Variants in C4orf54 observed in about 807,000 individuals in gnomAD.
The protein encoded by C4orf54 is chromosome 4 open reading frame 54, also known as uncharacterized protein C4orf54.
A neutral mutation model predicts 80.1 loss-of-function variants in C4orf54; 67 were observed. That is an observed-to-expected ratio of 0.84 (90% CI 0.69 to 1.03). C4orf54 has a LOEUF of 1.03. C4orf54 is among the 50% of genes least tolerant of loss of function. C4orf54 has a pLI of 0.00. For missense variants in C4orf54, 2,434 were observed against 2,253.5 expected, an observed-to-expected ratio of 1.08 and a Z score of -1.62; for synonymous variants, 1,000 against 917.0, an observed-to-expected ratio of 1.09 and a Z score of -1.64.
At chr4:99,643,549 T>C (rs1178083738) in intron 2 of C4orf54, among the ~76,000 whole-genome samples, 1 of 152,136 alleles carries the variant, frequency 6.6e-6, no homozygotes, top group Non-Finnish European at 1.5e-5. Context: ...CTCCTACCTC[T>C]GGGAGCCACA....
intron 2 of C4orf54, among the ~76,000 whole-genome samples, chr4:99,646,497 A>G (rs1375956802): frequency 1.3e-5 from 2 of 152,030 alleles, no homozygotes; most frequent in Non-Finnish European, 2.9e-5. Flanking sequence ...GCTCATTACC[A>G]CCTCCTTTAC....
At chr4:99,648,682 A>G (rs2110251238) in intron 2 of C4orf54, among the ~76,000 whole-genome samples, 1 of 152,332 alleles carries the variant, frequency 6.6e-6, no homozygotes, top group African/African-American at 2.4e-5. Context: ...CGCTTTGTAT[A>G]AGCAATTTCA....
chr4:99,655,692 G>C (rs1044945269), intron 1 of C4orf54, among the ~76,000 whole-genome samples: 2 of 152,190 alleles, frequency 1.3e-5, no homozygotes, highest in Non-Finnish European at 2.9e-5. Flanking sequence ...ATGGGGGTCT[G>C]TGCTGGCCAT....
chr4:99,653,864 T>C lies in C4orf54; in HGVS notation c.785A>G (p.Glu262Gly). Reference sequence around the variant, plus strand: ...TGAGGAAGATGAGAAATTGCCACCCTCTTCAGAGGCAGAGTGCTGGGATCT... The same window carrying C: ...TGAGGAAGATGAGAAATTGCCACCCCCTTCAGAGGCAGAGTGCTGGGATCT... ...LSRSQHSASEEGGNFSSSSSS... is the reference protein window; with the variant it reads ...LSRSQHSASEGGGNFSSSSSS... The change falls in exon 2 of 3, where the codon GAG (glutamate) becomes GGG (glycine). Residue 262 changes from glutamate (E) to glycine (G), a missense_variant. Transcript: ENST00000511828. 1 of 1,536,230 alleles carries C rather than the reference T, an allele frequency of 6.5e-7. No individual in the cohort carries two copies. The highest frequency in any genetic ancestry group is 2.4e-5 in the East Asian group (1 of 40,898).
chr4:99,649,264 T>G lies in C4orf54; in HGVS notation c.*3A>C, dbSNP rs575190765. On this transcript the variant is annotated 3_prime_UTR_variant, in exon 2 of 3. Coordinates refer to ENST00000511828, the MANE Select transcript of C4orf54 (RefSeq NM_001354435.2). ...TTTCATTCCGCTTCCTGGTGGCTGC[T>G]CATCATCTGTGTTCTACCACAAAGC... The G allele has an allele frequency of 2.7e-6, 4 of 1,498,040 alleles. No individual in the cohort carries two copies. In the South Asian group the frequency reaches 5.0e-5, roughly 19 times the overall value. 92.8% of individuals were successfully genotyped at this position (1,498,040 alleles called of 1,614,324 possible). A position where few individuals can be genotyped will look rare whatever the true frequency, so the allele number is the denominator to read the frequency against.
intron 2 of C4orf54, among the ~76,000 whole-genome samples, chr4:99,643,062 A>G (rs1226968796): frequency 6.6e-6 from 1 of 152,184 alleles, no homozygotes. Flanking sequence ...GCACAGGTCC[A>G]TGATGCTTAC....
Position 99,653,129 on chromosome 4 carries a change from G to A in C4orf54, c.1520C>T (p.Ala507Val). ...TGCACTCCCACAGCTGCTTGCGGCGGCGGCTGCTGCCCCTGAAGCTGCCTC... is the reference window on the plus strand; with the variant it reads ...TGCACTCCCACAGCTGCTTGCGGCGACGGCTGCTGCCCCTGAAGCTGCCTC... Reference protein sequence around the residue: ...TPEAASGAAAAAASSCGSAAS... With the variant: ...TPEAASGAAAVAASSCGSAAS... The change falls in exon 2 of 3, where the codon GCC (alanine) becomes GTC (valine). Residue 507 changes from alanine to valine, a missense_variant. Physicochemically the swap from Ala to Val is moderately conservative, Grantham distance 64. Transcript: ENST00000511828. 1.3e-6 allele frequency: 2 copies of A among 1,536,192 alleles called. No individual in the cohort carries two copies. The highest frequency in any genetic ancestry group is 1.7e-6 in the Non-Finnish European group (2 of 1,146,922).
intron 2 of C4orf54, among the ~76,000 whole-genome samples, chr4:99,646,075 A>G (rs139488920): frequency 6.6e-6 from 1 of 152,206 alleles, no homozygotes; most frequent in Non-Finnish European, 1.5e-5. Context: ...TCAGAAAAAG[A>G]TAACAGCAGC....
At chr4:99,644,090 G>A (rs916667508) in intron 2 of C4orf54, among the ~76,000 whole-genome samples, 4 of 152,128 alleles carry the variant, frequency 2.6e-5, no homozygotes, top group African/African-American at 9.7e-5. Context: ...CAGAGAATAA[G>A]ACAAATAAAT....
In C4orf54 at chr4:99,651,052, G is replaced by T. The variant is rs1284475206; in HGVS notation, c.3597C>A (p.Gly1199=). The T allele has an allele frequency of 3.3e-6, 5 of 1,536,012 alleles. No homozygotes were observed. The highest frequency in any genetic ancestry group is 4.4e-6 in the Non-Finnish European group (5 of 1,146,910). ...GGGCAATGGTAGCCACAGGCAGCCTGCCAGATGCCCTGTGAACCAAGACTG... is the reference window on the plus strand; with the variant it reads ...GGGCAATGGTAGCCACAGGCAGCCTTCCAGATGCCCTGTGAACCAAGACTG... ...EGTVLVHRAS[G]RLPVATIAPN... The change falls in exon 2 of 3, where the codon GGC becomes GGA. Residue 1199 remains glycine (G), a synonymous_variant. Coordinates refer to ENST00000511828, the MANE Select transcript of C4orf54 (RefSeq NM_001354435.2).
chr4:99,648,641 A>G (rs1726739932), intron 2 of C4orf54, among the ~76,000 whole-genome samples: 1 of 152,082 alleles, frequency 6.6e-6, no homozygotes, highest in Admixed American at 6.5e-5. Context: ...ATTATCTGAA[A>G]ACTGAAAAAC....
Position 99,651,209 on chromosome 4 carries a change from G to A in C4orf54, c.3440C>T (p.Ser1147Phe). 1 of 1,536,124 alleles carries A rather than the reference G, an allele frequency of 6.5e-7. No individual in the cohort carries two copies. Among genetic ancestry groups the A allele is most frequent in the Non-Finnish European group, 8.7e-7 (1 of 1,146,906 alleles). ...GCATGTAATCACCATGGGGGACAGG[G>A]ATCCAGATCCGCCAGCTGCTGCAGA... The part of the protein sequence containing the change: ...QLSAAAGGSG[S>F]LSPMVITCQA... Residue 1147 changes from serine to phenylalanine, a missense_variant, in exon 2 of 3, where the codon TCC becomes TTC. Coordinates refer to ENST00000511828, the MANE Select transcript of C4orf54 (RefSeq NM_001354435.2).
Position 99,653,251 on chromosome 4 carries a change from G to A in C4orf54, c.1398C>T (p.Ser466=). 2.0e-6 allele frequency: 3 copies of A among 1,532,168 alleles called. No individual in the cohort carries two copies. Among genetic ancestry groups the A allele is most frequent in the Non-Finnish European group, 2.6e-6 (3 of 1,144,104 alleles). The allele number at this position is 1,532,168 out of a possible 1,614,324, so 94.9% of individuals were successfully genotyped here. A position where few individuals can be genotyped will look rare whatever the true frequency, so the allele number is the denominator to read the frequency against. ...NAGRSGRDTS[S]TEVGSGPSDS... ...CAGAGGGGCCACTGCCCACTTCGGTGCTGCTGGTGTCGCGGCCACTGCGGC... is the reference window on the plus strand; with the variant it reads ...CAGAGGGGCCACTGCCCACTTCGGTACTGCTGGTGTCGCGGCCACTGCGGC... Residue 466 remains serine, a synonymous_variant, in exon 2 of 3, where the codon AGC becomes AGT. Transcript: ENST00000511828.
chr4:99,651,772 G>A lies in C4orf54; in HGVS notation c.2877C>T (p.Ala959=). ...EKEAEKREEQ[A]PIGKLKLPKG... ...TGGGCAGCTTCAGCTTCCCTATAGG[G>A]GCTTGTTCCTCCCTCTTCTCGGCCT... Residue 959 remains alanine (A), a synonymous_variant, in exon 2 of 3, where the codon GCC becomes GCT. Coordinates refer to ENST00000511828, the MANE Select transcript of C4orf54 (RefSeq NM_001354435.2). 1 of 1,536,022 alleles carries A rather than the reference G, an allele frequency of 6.5e-7. No homozygotes were observed. Among genetic ancestry groups the A allele is most frequent in the Non-Finnish European group, 8.7e-7 (1 of 1,146,882 alleles).
Position 99,650,625 on chromosome 4 carries a change from G to T in C4orf54, c.4024C>A (p.Arg1342=), listed in dbSNP as rs996014647. The T allele has an allele frequency of 1.3e-6, 2 of 1,536,028 alleles. No individual in the cohort carries two copies. Among genetic ancestry groups the T allele is most frequent in the Non-Finnish European group, 1.7e-6 (2 of 1,146,902 alleles). The change falls in exon 2 of 3, where the codon CGG becomes AGG. Residue 1342 remains arginine (R), a synonymous_variant. Coordinates refer to ENST00000511828, the MANE Select transcript of C4orf54 (RefSeq NM_001354435.2). Reference sequence around the variant, plus strand: ...TCAGCGCTGGGGTTGGAGTTTCTCCGCTGCAGACGTTCTATGGGGGCCCCT... The same window carrying T: ...TCAGCGCTGGGGTTGGAGTTTCTCCTCTGCAGACGTTCTATGGGGGCCCCT... The part of the protein sequence containing the change: ...LRGAPIERLQ[R]RNSNPSAESV...
At chr4:99,644,092 CAAAT>C (rs1014181830) in intron 2 of C4orf54, among the ~76,000 whole-genome samples, 1 of 152,046 alleles carries the variant, frequency 6.6e-6, no homozygotes, top group Non-Finnish European at 1.5e-5. Context: ...GAGAATAAGA[CAAAT>C]AAATGAGCAA....
In C4orf54 at chr4:99,649,735, A is replaced by G; in HGVS notation, c.4914T>C (p.Pro1638=). 6.5e-7 allele frequency: 1 copy of G among 1,536,200 alleles called. No homozygotes were observed. The highest frequency in any genetic ancestry group is 2.4e-5 in the East Asian group (1 of 40,912). ...VQPMTRRLFD[P]ETGQYVDVPM... ...GCACATCCACATACTGCCCTGTCTC[A>G]GGGTCAAACAGTCTCCGGGTCATGG... Residue 1638 remains proline (P), a synonymous_variant, in exon 2 of 3, where the codon CCT becomes CCC. Coordinates refer to ENST00000511828, the MANE Select transcript of C4orf54 (RefSeq NM_001354435.2).
Position 99,652,986 on chromosome 4 carries a change from G to A in C4orf54, c.1663C>T (p.Arg555Cys). The A allele has an allele frequency of 6.5e-7, 1 of 1,536,152 alleles. No individual in the cohort carries two copies. The highest frequency in any genetic ancestry group is 8.7e-7 in the Non-Finnish European group (1 of 1,146,924). Reference protein sequence around the residue: ...AAKHEGDMSLRVSTAAEHNSS... With the variant: ...AAKHEGDMSLCVSTAAEHNSS... ...TTGTGTTCAGCAGCTGTAGAGACGC[G>A]GAGGCTCATGTCGCCTTCATGCTTG... Residue 555 changes from arginine (R) to cysteine (C), a missense_variant, in exon 2 of 3, where the codon CGC (arginine) becomes TGC (cysteine). Physicochemically the swap from Arg to Cys is radical, Grantham distance 180 (BLOSUM62 -3). Transcript: ENST00000511828.
At position 99,654,429 on chromosome 4, in the gene C4orf54, G is replaced by C; in HGVS notation, c.220C>G (p.Leu74Val). Reference protein sequence around the residue: ...TASSRSLPTSLRLAAAPPQGL... With the variant: ...TASSRSLPTSVRLAAAPPQGL... ...TGTGGCGGGGCCGCAGCAAGCCTGAGGGAGGTGGGAAGGCTCCTGGATGAG... is the reference window on the plus strand; with the variant it reads ...TGTGGCGGGGCCGCAGCAAGCCTGACGGAGGTGGGAAGGCTCCTGGATGAG... The change falls in exon 2 of 3, where the codon CTC becomes GTC. Residue 74 changes from leucine (L) to valine (V), a missense_variant. Leu to Val is a conservative substitution (Grantham distance 32). Transcript: ENST00000511828. 1 of 762,314 alleles carries C rather than the reference G, an allele frequency of 1.3e-6. No individual in the cohort carries two copies. Among genetic ancestry groups the C allele is most frequent in the Non-Finnish European group, 2.3e-6 (1 of 439,464 alleles). 47.2% of individuals were successfully genotyped at this position (762,314 alleles called of 1,614,324 possible).
Sources: gnomAD v4.1 joint callset for allele counts (sites outside exome capture counted in the v4.1 genomes callset) on GRCh38, gnomAD v4.1.1 for gene constraint, MANE v1.5 for transcripts, NCBI Gene and HGNC (gene_info 2026-07-23, HGNC 2026-07-21) for gene names.